NOL8: variants seen among roughly 807,000 people sequenced by gnomAD.
NOL8 encodes nucleolar protein Nop132.
A neutral mutation model predicts 116.1 loss-of-function variants in NOL8; 93 were observed. The ratio of observed to expected loss-of-function variants is 0.80; its 90% CI spans 0.68 to 0.95. The LOEUF (loss-of-function observed/expected upper bound fraction) is 0.95, where lower values mean the gene tolerates loss of function less well. Ranked by LOEUF, NOL8 falls within the 40% of genes least tolerant of loss-of-function variation. NOL8 has a pLI of 0.00. For synonymous variants in NOL8, 419 were observed against 469.0 expected (o/e 0.89, Z 1.38); for missense variants, 1,291 against 1,382.8 (o/e 0.93, Z 1.05).
At chr9:92,321,375 G>T (rs1839909848) in intron 4 of NOL8, among the ~76,000 whole-genome samples, 1 of 152,162 alleles carries the variant, frequency 6.6e-6, no homozygotes. Flanking sequence ...CCACAAAAGG[G>T]TGTGTTAACA....
At position 92,315,091 on chromosome 9, in the gene NOL8, CT is replaced by C; in HGVS notation, c.1533del (p.Glu512LysfsTer38). 1.2e-5 allele frequency: 19 copies of C among 1,614,004 alleles called. No individual in the cohort carries two copies. The highest frequency in any genetic ancestry group is 1.5e-5 in the Non-Finnish European group (18 of 1,179,890). On this transcript the variant is annotated frameshift_variant, in exon 7 of 17. Transcript: ENST00000442668. LOFTEE classifies it high-confidence loss of function. ...TCAAACTTGCATTGGGTGGTGGTTT[CT>C]GGTCCATCACTCTTAGTATCTTCAT... ...VPNEDTKSDG[P>X]ETTTQCKFDR...
At position 92,314,513 on chromosome 9, in the gene NOL8, T is replaced by G. The variant is rs1282666050; in HGVS notation, c.2112A>C (p.Thr704=). Residue 704 remains threonine (T), a synonymous_variant, in exon 7 of 17, where the codon ACA becomes ACC. Coordinates refer to ENST00000442668, the MANE Select transcript of NOL8 (RefSeq NM_017948.6). ...DKDSCHSTTK[T]EASQEERSDS... is the part of the protein sequence containing the mutation. Reference sequence around the variant, plus strand: ...CAGACCGCTCTTCCTGTGAAGCTTCTGTCTTTGTGGTACTATGGCAGCTGT... The same window carrying G: ...CAGACCGCTCTTCCTGTGAAGCTTCGGTCTTTGTGGTACTATGGCAGCTGT... The G allele has an allele frequency of 2.0e-5, 33 of 1,613,560 alleles. No individual in the cohort carries two copies. Among genetic ancestry groups the G allele is most frequent in the African/African-American group, 9.3e-5 (7 of 74,942 alleles).
intron 10 of NOL8, among the ~76,000 whole-genome samples, chr9:92,308,209 C>T (rs1352117996): frequency 2.6e-5 from 4 of 151,940 alleles, no homozygotes; most frequent in East Asian, 1.9e-4. Context: ...GGCAACACAG[C>T]GAGACCCTGT....
rs751612364 is a variant in NOL8 at position 92,310,267 on chromosome 9, C to CA, written c.2596-7dup. On this transcript the variant is annotated splice_region_variant and splice_polypyrimidine_tract_variant and intron_variant, in intron 9 of 16. Transcript: ENST00000442668. ...TGCGACTGTAAATCCATGAGCTACACAGACAGAAAACATACATAATTGATA... is the reference window on the plus strand; with the variant it reads ...TGCGACTGTAAATCCATGAGCTACACAAGACAGAAAACATACATAATTGATA... 84 of 1,600,210 alleles carry CA rather than the reference C, an allele frequency of 5.2e-5. No homozygotes were observed. In the African/African-American group the frequency reaches 9.4e-4, roughly 18 times the overall value.
At chr9:92,311,001 C>G in intron 8 of NOL8, 145 bp downstream of exon 8, 1 of 632,972 alleles carries the variant, frequency 1.6e-6, no homozygotes, top group Non-Finnish European at 2.7e-6. Context: ...CTCCAAGACC[C>G]CTGTAGTCTC....
At position 92,301,760 on chromosome 9, in the gene NOL8, A is replaced by G. The variant is rs146401995; in HGVS notation, c.2966T>C (p.Met989Thr). ...AEKLPEVSKEMYYNIAMDLKE... is the reference protein window; with the variant it reads ...AEKLPEVSKETYYNIAMDLKE... Reference sequence around the variant, plus strand: ...CAGATCCATAGCAATATTATAATACATTTCTTTAGACACCTCAGGTAGTTT... The same window carrying G: ...CAGATCCATAGCAATATTATAATACGTTTCTTTAGACACCTCAGGTAGTTT... The change falls in exon 13 of 17, where the codon ATG (methionine) becomes ACG (threonine). Residue 989 changes from methionine (M) to threonine (T), a missense_variant. Met to Thr is a moderately conservative substitution (Grantham distance 81). Coordinates refer to ENST00000442668, the MANE Select transcript of NOL8 (RefSeq NM_017948.6). The G allele has an allele frequency of 3.2e-4, 509 of 1,601,164 alleles. 4 individuals carry two copies. The East Asian group carries it at 9.1e-3, about 29-fold the overall frequency.
At chr9:92,298,230 A>T (rs1294166888) in intron 16 of NOL8, 27 bp downstream of exon 16, 1 of 1,542,460 alleles carries the variant, frequency 6.5e-7, no homozygotes, top group Non-Finnish European at 8.9e-7. Context: ...CTATTTTAGG[A>T]AATAATATGG....
intron 10 of NOL8, among the ~76,000 whole-genome samples, chr9:92,307,527 T>C (rs1260519772): frequency 6.6e-6 from 1 of 152,208 alleles, no homozygotes; most frequent in Non-Finnish European, 1.5e-5. Flanking sequence ...GCCCTACACA[T>C]ACTAAGGCAT....
At chr9:92,319,721 G>A (rs1017558073) in intron 4 of NOL8, among the ~76,000 whole-genome samples, 3 of 152,096 alleles carry the variant, frequency 2.0e-5, no homozygotes, top group Non-Finnish European at 4.4e-5. Context: ...CAACTTATAC[G>A]TTCTTTGAAA....
intron 12 of NOL8, among the ~76,000 whole-genome samples, chr9:92,305,335 G>A (rs958336426): frequency 5.3e-5 from 8 of 152,110 alleles, no homozygotes; most frequent in Non-Finnish European, 8.8e-5. Flanking sequence ...AACTAGGAGA[G>A]GCATAAAACA....
intron 4 of NOL8, among the ~76,000 whole-genome samples, chr9:92,321,133 A>G: frequency 6.6e-6 from 1 of 152,240 alleles, no homozygotes; most frequent in Non-Finnish European, 1.5e-5. Context: ...CAACATATGC[A>G]ATTTAGTAGT....
intron 3 of NOL8, among the ~76,000 whole-genome samples, chr9:92,322,082 T>C (rs1056942008): frequency 6.6e-6 from 1 of 152,274 alleles, no homozygotes; most frequent in African/African-American, 2.4e-5. Flanking sequence ...GTATATTTTA[T>C]TGTTATTTCC....
In NOL8 at chr9:92,324,131, A is replaced by G. The variant is rs1350721959; in HGVS notation, c.31T>C (p.Tyr11His). 1 of 1,613,820 alleles carries G rather than the reference A, an allele frequency of 6.2e-7. No individual in the cohort carries two copies. The highest frequency in any genetic ancestry group is 8.5e-7 in the Non-Finnish European group (1 of 1,179,836). Reference sequence around the variant, plus strand: ...ATGTCCTGGCTAAGGCCACCCACATAAAGGCGCTTCGTTTCTCTGTTCACT... The same window carrying G: ...ATGTCCTGGCTAAGGCCACCCACATGAAGGCGCTTCGTTTCTCTGTTCACT... MKVNRETKRLYVGGLSQDISE... is the reference protein window; with the variant it reads MKVNRETKRLHVGGLSQDISE... The change falls in exon 2 of 17, where the codon TAT (tyrosine) becomes CAT (histidine). Residue 11 changes from tyrosine (Y) to histidine (H), a missense_variant. Physicochemically the swap from Tyr to His is moderately conservative, Grantham distance 83 (BLOSUM62 2). Transcript: ENST00000442668.
chr9:92,323,188 G>A, intron 3 of NOL8: 1 of 857,750 alleles, frequency 1.2e-6, no homozygotes. Context: ...ATGAAAGTTT[G>A]GTCCCTTGTC....
chr9:92,312,609 G>A (rs1005768715), intron 7 of NOL8, among the ~76,000 whole-genome samples: 12 of 151,098 alleles, frequency 7.9e-5, no homozygotes, highest in Admixed American at 2.0e-4. Context: ...GGCGGATCAC[G>A]TGAGGTCAGG....
intron 12 of NOL8, among the ~76,000 whole-genome samples, chr9:92,303,505 G>A (rs1313999568): frequency 6.6e-6 from 1 of 152,228 alleles, no homozygotes; most frequent in African/African-American, 2.4e-5. Flanking sequence ...TACAAAGGTA[G>A]AGTGGAGTCA....
At chr9:92,306,757 T>C (rs1011032950) in intron 11 of NOL8, 129 bp downstream of exon 11, 5 of 722,396 alleles carry the variant, frequency 6.9e-6, no homozygotes, top group Non-Finnish European at 1.1e-5. Flanking sequence ...AAGTATATTT[T>C]TAAGGGTCTG....
At chr9:92,319,867 A>G (rs994042739) in intron 4 of NOL8, 1 of 362,568 alleles carries the variant, frequency 2.8e-6, no homozygotes, top group Non-Finnish European at 5.4e-6. Flanking sequence ...GTCCCACCAG[A>G]GCATGAGGGT....
In NOL8 at chr9:92,301,782, G is replaced by T; in HGVS notation, c.2944C>A (p.Leu982Ile). The change falls in exon 13 of 17, where the codon CTA becomes ATA. Residue 982 changes from leucine (L) to isoleucine (I), a missense_variant. Coordinates refer to ENST00000442668, the MANE Select transcript of NOL8 (RefSeq NM_017948.6). ...RKKKREEAEK[L>I]PEVSKEMYYN... is the part of the protein sequence containing the mutation. ...TACATTTCTTTAGACACCTCAGGTA[G>T]TTTCTCAGCTTCCTCCCTTTTCTTT... The T allele has an allele frequency of 6.3e-7, 1 of 1,599,946 alleles. No homozygotes were observed. Among genetic ancestry groups the T allele is most frequent in the Non-Finnish European group, 8.5e-7 (1 of 1,172,490 alleles).
Sources: allele counts gnomAD v4.1 joint callset (sites outside exome capture counted in the v4.1 genomes callset), GRCh38; gene constraint gnomAD v4.1.1; transcripts MANE v1.5; gene names NCBI Gene and HGNC (gene_info 2026-07-23, HGNC 2026-07-21).